GRIK4: variants seen among roughly 807,000 people sequenced by gnomAD.
GRIK4 encodes glutamate receptor ionotropic, kainate 4.
A neutral mutation model predicts 104.9 loss-of-function variants in GRIK4; 40 were observed. The observed-to-expected ratio is 0.38, with a 90% CI of 0.30 to 0.50. The LOEUF (loss-of-function observed/expected upper bound fraction) is 0.50, where lower values mean the gene tolerates loss of function less well. GRIK4 is among the 20% of genes least tolerant of loss of function. GRIK4 has a pLI of 0.93. For missense variants in GRIK4, 1,047 were observed against 1,308.1 expected, an observed-to-expected ratio of 0.80 and a Z score of 3.08; for synonymous variants, 485 against 524.9, an observed-to-expected ratio of 0.92 and a Z score of 1.04.
intron 3 of GRIK4, among the ~76,000 whole-genome samples, chr11:120,700,982 T>C (rs1444038024): frequency 1.3e-5 from 2 of 152,204 alleles, no homozygotes; most frequent in Non-Finnish European, 2.9e-5. Context: ...GCCTCCAGTA[T>C]TCAGTACAGT....
In GRIK4 at chr11:120,555,572, C is replaced by T. The variant is rs1047768271; in HGVS notation, c.-159+43685C>T. Among the ~76,000 whole-genome samples the T allele has an allele frequency of 6.6e-6, 1 of 152,198 alleles. No individual in the cohort carries two copies. Among genetic ancestry groups the T allele is most frequent in the Non-Finnish European group, 1.5e-5 (1 of 68,040 alleles). On this transcript the variant is annotated intron_variant, in intron 1 of 20. Coordinates refer to ENST00000527524, the MANE Select transcript of GRIK4 (RefSeq NM_014619.5). This position sits in a 1 kb window ranked among gnomAD's most constrained non-coding sequence, Gnocchi z 5.3. ...AGCGGTCGTCTTCTCCCTCACGGTC[C>T]GCCTGCCTTTCCCGACCTACCCACT...
intron 3 of GRIK4, among the ~76,000 whole-genome samples, chr11:120,747,698 A>G (rs568514503): frequency 2.0e-5 from 3 of 152,376 alleles, no homozygotes; most frequent in African/African-American, 7.2e-5. Flanking sequence ...TATTTTGAGC[A>G]TAGCTCAGTA....
intron 3 of GRIK4, among the ~76,000 whole-genome samples, chr11:120,751,301 C>A (rs1300766787): frequency 6.6e-6 from 1 of 152,004 alleles, no homozygotes; most frequent in East Asian, 1.9e-4. Flanking sequence ...GCAGGAGGTG[C>A]CACAGTGCCA....
intron 1 of GRIK4, among the ~76,000 whole-genome samples, chr11:120,614,342 G>A (rs549717628): frequency 1.6e-4 from 24 of 152,322 alleles, no homozygotes; most frequent in African/African-American, 4.3e-4. Flanking sequence ...GTGGCCACCC[G>A]GGGCCCAATC....
At chr11:120,753,016 G>A (rs1434036019) in intron 3 of GRIK4, among the ~76,000 whole-genome samples, 1 of 152,236 alleles carries the variant, frequency 6.6e-6, no homozygotes, top group African/African-American at 2.4e-5. Context: ...TCAAGGAAGT[G>A]GTCCTGAGGG....
At chr11:120,947,401 C>CAAAAA (rs34759788) in intron 14 of GRIK4, among the ~76,000 whole-genome samples, 1 of 124,112 alleles carries the variant, frequency 8.1e-6, no homozygotes, top group Non-Finnish European at 1.7e-5. Flanking sequence ...GACTCTGTCT[C>CAAAAA]AAAAAAAAAA....
At chr11:120,702,799 G>T (rs1044823211) in intron 3 of GRIK4, among the ~76,000 whole-genome samples, 1 of 152,176 alleles carries the variant, frequency 6.6e-6, no homozygotes, top group Non-Finnish European at 1.5e-5. Flanking sequence ...ATATCCCATG[G>T]GTCATGGCCT....
chr11:120,725,553 T>C (rs2135382897), intron 3 of GRIK4, among the ~76,000 whole-genome samples: 1 of 152,122 alleles, frequency 6.6e-6, no homozygotes, highest in Non-Finnish European at 1.5e-5. Flanking sequence ...AAACAGGAAC[T>C]AGGGAGGGGC....
chr11:120,945,987 C>T (rs1325829018), intron 14 of GRIK4, among the ~76,000 whole-genome samples: 1 of 152,224 alleles, frequency 6.6e-6, no homozygotes, highest in Non-Finnish European at 1.5e-5. Context: ...TTCCCTGGCA[C>T]ATCAGCTCAT....
At chr11:120,540,883 G>A (rs1442293402) in intron 1 of GRIK4, among the ~76,000 whole-genome samples, 3 of 152,184 alleles carry the variant, frequency 2.0e-5, no homozygotes, top group Non-Finnish European at 4.4e-5. Context: ...AAGCTGAGGT[G>A]GGAGGATCTC....
intron 1 of GRIK4, among the ~76,000 whole-genome samples, chr11:120,584,788 A>T (rs1204055487): frequency 6.6e-6 from 1 of 152,210 alleles, no homozygotes; most frequent in Non-Finnish European, 1.5e-5. Context: ...GTTGAATTTT[A>T]TGAAAAGCCT....
At chr11:120,616,722 G>C (rs1949120472) in intron 1 of GRIK4, among the ~76,000 whole-genome samples, 1 of 152,172 alleles carries the variant, frequency 6.6e-6, no homozygotes, top group Non-Finnish European at 1.5e-5. Flanking sequence ...AAGACCTTGA[G>C]GGAGCACACA....
At chr11:120,629,412 G>A (rs1008065902) in intron 1 of GRIK4, among the ~76,000 whole-genome samples, 2 of 152,070 alleles carry the variant, frequency 1.3e-5, no homozygotes, top group Admixed American at 6.5e-5. Context: ...CCGAGTACAC[G>A]CATATTCAGA....
chr11:120,746,934 C>G (rs1951449350), intron 3 of GRIK4, among the ~76,000 whole-genome samples: 1 of 152,200 alleles, frequency 6.6e-6, no homozygotes. Context: ...CCTGACTCCA[C>G]CACTGGTAAG....
intron 3 of GRIK4, among the ~76,000 whole-genome samples, chr11:120,732,216 G>C (rs1951143953): frequency 1.3e-5 from 2 of 151,954 alleles, no homozygotes; most frequent in Admixed American, 1.3e-4. Context: ...ACTGCAACCT[G>C]TGCCTCCTGG....
chr11:120,913,573 T>C (rs1943044233), intron 13 of GRIK4, among the ~76,000 whole-genome samples: 1 of 151,852 alleles, frequency 6.6e-6, no homozygotes, highest in East Asian at 1.9e-4. Context: ...AAGTACCCCG[T>C]TGGCATTCAA....
At chr11:120,548,097 C>T (rs2252233) in intron 1 of GRIK4, among the ~76,000 whole-genome samples, 14,326 of 152,156 alleles carry the variant, frequency 0.094, 2,261 homozygotes, top group African/African-American at 0.32. Context: ...CTGTTACTGG[C>T]GCTGGTAGGT....
intron 3 of GRIK4, among the ~76,000 whole-genome samples, chr11:120,738,308 G>C (rs1320023451): frequency 3.3e-5 from 5 of 152,246 alleles, no homozygotes; most frequent in Non-Finnish European, 7.3e-5. Flanking sequence ...TCTCAGAGTG[G>C]TGGCAATAGC....
intron 2 of GRIK4, among the ~76,000 whole-genome samples, chr11:120,657,143 T>C (rs1949723438): frequency 6.6e-6 from 1 of 152,182 alleles, no homozygotes; most frequent in Non-Finnish European, 1.5e-5. Flanking sequence ...ATTTATCCAC[T>C]CAACAAATAT....
Sources: allele counts gnomAD v4.1 joint callset (sites outside exome capture counted in the v4.1 genomes callset), GRCh38; gene constraint gnomAD v4.1.1; non-coding constraint Gnocchi (gnomAD v3.1); transcripts MANE v1.5; gene names NCBI Gene and HGNC (gene_info 2026-07-23, HGNC 2026-07-21).